CPVL: variants seen among roughly 807,000 people sequenced by gnomAD.
CPVL encodes the protein probable serine carboxypeptidase CPVL.
A neutral mutation model predicts 63.7 loss-of-function variants in CPVL; 51 were observed. That is an observed-to-expected ratio of 0.80 (90% confidence interval 0.64 to 1.01). CPVL has a LOEUF of 1.01. Ranked by LOEUF, CPVL falls within the 50% of genes least tolerant of loss-of-function variation. The pLI is 0.00. For synonymous variants in CPVL, 195 were observed against 206.0 expected, an observed-to-expected ratio of 0.95 and a Z score of 0.46; for missense variants, 530 against 573.1, an observed-to-expected ratio of 0.92 and a Z score of 0.77.
At chr7:29,093,719 G>A (rs547590261) in intron 5 of CPVL, among the ~76,000 whole-genome samples, 1 of 152,242 alleles carries the variant, frequency 6.6e-6, no homozygotes, top group South Asian at 2.1e-4. Flanking sequence ...AAAGATTTTT[G>A]TGTTTTTGTT....
chr7:29,072,456 C>T (rs770671298), intron 7 of CPVL, 33 bp from the exon 8 acceptor site: 4 of 1,604,030 alleles, frequency 2.5e-6, no homozygotes, highest in Non-Finnish European at 3.4e-6. Flanking sequence ...TGGCCAATCA[C>T]AAATGGATGC....
intron 7 of CPVL, among the ~76,000 whole-genome samples, chr7:29,084,684 A>G (rs374958771): frequency 6.6e-6 from 1 of 152,202 alleles, no homozygotes; most frequent in African/African-American, 2.4e-5. Context: ...AAACCCTAAA[A>G]CTGAAACCAA....
chr7:29,024,541 T>C (rs766988207), intron 12 of CPVL, among the ~76,000 whole-genome samples: 3 of 152,212 alleles, frequency 2.0e-5, no homozygotes, highest in Non-Finnish European at 4.4e-5. Flanking sequence ...CTCCAGGGCA[T>C]ATTATAGTTA....
chr7:29,079,575 A>G (rs1784508697), intron 7 of CPVL, among the ~76,000 whole-genome samples: 1 of 152,236 alleles, frequency 6.6e-6, no homozygotes, highest in Non-Finnish European at 1.5e-5. Flanking sequence ...TCTACCATAC[A>G]GTCCATTCTC....
intron 12 of CPVL, among the ~76,000 whole-genome samples, chr7:28,999,911 C>A (rs930493432): frequency 2.6e-5 from 4 of 152,122 alleles, no homozygotes; most frequent in African/African-American, 9.7e-5. Flanking sequence ...TATAATCAAG[C>A]CACTCACCAT....
At chr7:29,069,770 ATGTGTGTGTGTG>A (rs70977102) in intron 9 of CPVL, among the ~76,000 whole-genome samples, 10,939 of 132,168 alleles carry the variant, frequency 0.083, 507 homozygotes, top group Admixed American at 0.13. Flanking sequence ...TCACCAGTAA[ATGTGTGTGTGTG>A]TGTGTGTGTG....
chr7:29,038,456 A>G (rs1788756624), intron 11 of CPVL, among the ~76,000 whole-genome samples: 2 of 152,180 alleles, frequency 1.3e-5, no homozygotes, highest in African/African-American at 2.4e-5. Context: ...TGTAAGAAAC[A>G]ATTTTTTCTT....
chr7:29,058,562 T>A (rs1790973719), intron 11 of CPVL, among the ~76,000 whole-genome samples: 1 of 152,134 alleles, frequency 6.6e-6, no homozygotes, highest in East Asian at 1.9e-4. Flanking sequence ...ACTTTAACAT[T>A]TCTTACAAAG....
intron 11 of CPVL, among the ~76,000 whole-genome samples, chr7:29,035,126 G>C (rs1437377434): frequency 6.6e-6 from 1 of 152,062 alleles, no homozygotes; most frequent in Admixed American, 6.6e-5. Context: ...GCAGAGATGA[G>C]AAAAGCATCT....
intron 12 of CPVL, among the ~76,000 whole-genome samples, chr7:29,008,082 AAG>A: frequency 6.6e-6 from 1 of 152,146 alleles, no homozygotes; most frequent in East Asian, 1.9e-4. Context: ...CCAAGAATGA[AAG>A]GCAAATGGGA....
chr7:29,059,192 C>G (rs1415616172), intron 11 of CPVL, among the ~76,000 whole-genome samples: 1 of 152,098 alleles, frequency 6.6e-6, no homozygotes, highest in African/African-American at 2.4e-5. Flanking sequence ...TACTAGTGAG[C>G]CCACCAAAGA....
chr7:29,081,861 C>T (rs1562758858), intron 7 of CPVL, among the ~76,000 whole-genome samples: 1 of 152,196 alleles, frequency 6.6e-6, no homozygotes, highest in Non-Finnish European at 1.5e-5. Flanking sequence ...CAACCCTATG[C>T]AGTAGGTACT....
intron 11 of CPVL, among the ~76,000 whole-genome samples, chr7:29,038,773 A>T (rs991338501): frequency 6.6e-6 from 1 of 152,232 alleles, no homozygotes; most frequent in Non-Finnish European, 1.5e-5. Context: ...TCAATCCAAC[A>T]CTATCCATTT....
chr7:29,008,441 T>C (rs992249765), intron 12 of CPVL, among the ~76,000 whole-genome samples: 1 of 152,110 alleles, frequency 6.6e-6, no homozygotes, highest in Non-Finnish European at 1.5e-5. Context: ...AAGTGGGATA[T>C]TGGAAAAGGA....
At chr7:29,129,745 G>C (rs1235484094) in intron 1 of CPVL, among the ~76,000 whole-genome samples, 3 of 152,114 alleles carry the variant, frequency 2.0e-5, no homozygotes, top group African/African-American at 4.8e-5. Flanking sequence ...GGGATTACAG[G>C]TGTGAGCCAC....
At chr7:29,173,343 T>C (rs1796860810) in intron 5 of CPVL, among the ~76,000 whole-genome samples, 1 of 152,064 alleles carries the variant, frequency 6.6e-6, no homozygotes, top group African/African-American at 2.4e-5. Flanking sequence ...TGCAGCCATA[T>C]AATTTATCCT....
chr7:29,107,289 G>A (rs1787810114), intron 3 of CPVL, among the ~76,000 whole-genome samples: 1 of 152,240 alleles, frequency 6.6e-6, no homozygotes. Flanking sequence ...AGGGATGAAT[G>A]AAGAGCACTG....
intron 11 of CPVL, among the ~76,000 whole-genome samples, chr7:29,045,936 G>GGT (rs1347849550): frequency 6.6e-6 from 1 of 152,112 alleles, no homozygotes; most frequent in Non-Finnish European, 1.5e-5. Context: ...CTAATGACCT[G>GGT]GGTGTTAAGA....
chr7:29,070,665 C>A (rs1783644523), intron 9 of CPVL, among the ~76,000 whole-genome samples: 1 of 152,180 alleles, frequency 6.6e-6, no homozygotes, highest in Admixed American at 6.5e-5. Flanking sequence ...GAAAGGAGAG[C>A]CTGGTGGAGC....
Sources: allele counts gnomAD v4.1 joint callset (sites outside exome capture counted in the v4.1 genomes callset), GRCh38; gene constraint gnomAD v4.1.1; transcripts MANE v1.5; gene names NCBI Gene and HGNC (gene_info 2026-07-23, HGNC 2026-07-21).